Variants in CSNK2A2IP observed in about 807,000 individuals in gnomAD.
CSNK2A2IP encodes the protein casein kinase II subunit alpha'-interacting protein.
the CSNK2A2IP span, among the ~76,000 whole-genome samples, chr3:88,431,019 G>A: frequency 2.0e-4 from 31 of 152,220 alleles, no homozygotes; most frequent in Admixed American, 1.8e-3. Context: ...TCGAAATTTG[G>A]GAAGTTATTT....
chr3:88,360,690 T>C, the CSNK2A2IP span, among the ~76,000 whole-genome samples: 2 of 152,198 alleles, frequency 1.3e-5, no homozygotes, highest in Non-Finnish European at 2.9e-5. Context: ...TTATTAATAA[T>C]AGGCAAGAAC....
At chr3:88,356,062 A>G in the CSNK2A2IP span, among the ~76,000 whole-genome samples, 1 of 152,222 alleles carries the variant, frequency 6.6e-6, no homozygotes. Flanking sequence ...GAAATCTAAC[A>G]CCTTAAACAT....
At chr3:88,405,866 A>C in the CSNK2A2IP span, among the ~76,000 whole-genome samples, 1 of 152,138 alleles carries the variant, frequency 6.6e-6, no homozygotes, top group Non-Finnish European at 1.5e-5. Context: ...CAGAACAAAA[A>C]TATTTTAGGA....
the CSNK2A2IP span, among the ~76,000 whole-genome samples, chr3:88,438,979 T>C: frequency 6.6e-6 from 1 of 152,170 alleles, no homozygotes; most frequent in African/African-American, 2.4e-5. Flanking sequence ...TCACCTACTT[T>C]GCATTCCCTG....
the CSNK2A2IP span, among the ~76,000 whole-genome samples, chr3:88,464,360 C>A: frequency 6.6e-6 from 1 of 150,448 alleles, no homozygotes; most frequent in Non-Finnish European, 1.5e-5. Context: ...AAAGAAAATC[C>A]TGAACATCAC....
the CSNK2A2IP span, among the ~76,000 whole-genome samples, chr3:88,353,885 T>G: frequency 6.6e-6 from 1 of 152,184 alleles, no homozygotes; most frequent in Non-Finnish European, 1.5e-5. Context: ...AGTTTGGATA[T>G]TCATCCCCTC....
chr3:88,382,669 C>T, the CSNK2A2IP span: 1 of 151,976 alleles, frequency 6.6e-6, no homozygotes, highest in Non-Finnish European at 1.5e-5. Context: ...GGGCATTGGG[C>T]CCAGTGTTAA....
chr3:88,446,421 T>C, the CSNK2A2IP span, among the ~76,000 whole-genome samples: 1 of 152,106 alleles, frequency 6.6e-6, no homozygotes, highest in Admixed American at 6.6e-5. Flanking sequence ...TTTTCCCAGA[T>C]CTTCAGTTAC....
At chr3:88,357,777 T>C in the CSNK2A2IP span, among the ~76,000 whole-genome samples, 1 of 149,826 alleles carries the variant, frequency 6.7e-6, no homozygotes, top group Non-Finnish European at 1.5e-5. Flanking sequence ...TTTTTTGAGA[T>C]GGGGTCTGGC....
At chr3:88,418,294 A>G in the CSNK2A2IP span, among the ~76,000 whole-genome samples, 22 of 152,318 alleles carry the variant, frequency 1.4e-4, no homozygotes, top group African/African-American at 5.3e-4. Flanking sequence ...AAAAAAAGAA[A>G]AAGATCGTGG....
At chr3:88,355,759 C>G in the CSNK2A2IP span, among the ~76,000 whole-genome samples, 60 of 152,018 alleles carry the variant, frequency 3.9e-4, no homozygotes, top group Non-Finnish European at 8.1e-4. Flanking sequence ...GACTAGAATG[C>G]CTTTGAATTA....
At chr3:88,369,593 G>A in the CSNK2A2IP span, among the ~76,000 whole-genome samples, 368 of 152,000 alleles carry the variant, frequency 2.4e-3, no homozygotes, top group African/African-American at 8.0e-3. Context: ...AGAAGGAGGA[G>A]CACCACCAAA....
chr3:88,417,491 C>T, the CSNK2A2IP span, among the ~76,000 whole-genome samples: 3 of 152,168 alleles, frequency 2.0e-5, no homozygotes, highest in African/African-American at 7.2e-5. Context: ...ATGTTTGACA[C>T]TCCCTTCATG....
the CSNK2A2IP span, among the ~76,000 whole-genome samples, chr3:88,355,382 C>A: frequency 6.6e-6 from 1 of 151,988 alleles, no homozygotes; most frequent in African/African-American, 2.4e-5. Context: ...AGCTCCTGCC[C>A]AGAGTCTGCA....
At chr3:88,465,590 A>G in the CSNK2A2IP span, 1 of 1,231,710 alleles carries the variant, frequency 8.1e-7, no homozygotes, top group Non-Finnish European at 1.0e-6. Flanking sequence ...TCTCAGGACA[A>G]AATTTCACAG....
At chr3:88,393,261 A>G in the CSNK2A2IP span, among the ~76,000 whole-genome samples, 5 of 152,216 alleles carry the variant, frequency 3.3e-5, no homozygotes, top group East Asian at 1.9e-4. Flanking sequence ...AAACTGCCCA[A>G]CTGAAGACTG....
At chr3:88,357,270 AT>A in the CSNK2A2IP span, among the ~76,000 whole-genome samples, 6 of 151,630 alleles carry the variant, frequency 4.0e-5, no homozygotes, top group South Asian at 4.2e-4. Flanking sequence ...AATCCATTTC[AT>A]TTTTTTTATA....
the CSNK2A2IP span, among the ~76,000 whole-genome samples, chr3:88,409,152 G>A: frequency 6.6e-6 from 1 of 152,036 alleles, no homozygotes; most frequent in East Asian, 1.9e-4. Flanking sequence ...TGTCTCAAGT[G>A]GTTTGTGTAG....
the CSNK2A2IP span, among the ~76,000 whole-genome samples, chr3:88,351,927 T>A: frequency 6.6e-6 from 1 of 152,134 alleles, no homozygotes; most frequent in Non-Finnish European, 1.5e-5. Context: ...ACTGGAAATT[T>A]TGTCCCAAGC....
Sources: allele counts gnomAD v4.1 joint callset (sites outside exome capture counted in the v4.1 genomes callset), GRCh38; gene constraint gnomAD v4.1.1; transcripts MANE v1.5; gene names NCBI Gene and HGNC (gene_info 2026-07-23, HGNC 2026-07-21).